GALNT13: variants seen among roughly 807,000 people sequenced by gnomAD.
The protein encoded by GALNT13 is polypeptide N-acetylgalactosaminyltransferase 13.
GALNT13 carries 28 observed loss-of-function variants against 64.2 expected under a neutral mutation model. The ratio of observed to expected loss-of-function variants is 0.44; its 90% CI spans 0.32 to 0.60. GALNT13 has a LOEUF of 0.60. GALNT13 is among the 20% of genes least tolerant of loss of function. The probability of loss-of-function intolerance (pLI) is 0.05; values close to 1 mark genes in which losing one functional copy is unlikely to be tolerated. For missense variants in GALNT13, 577 were observed against 669.8 expected (o/e 0.86, Z 1.53); for synonymous variants, 214 against 224.6 (o/e 0.95, Z 0.42).
chr2:153,306,387 A>G, the GALNT13 span, among the ~76,000 whole-genome samples: 1 of 152,198 alleles, frequency 6.6e-6, no homozygotes. Context: ...AAGCTTATAT[A>G]TAGCCAGCCA....
the GALNT13 span, among the ~76,000 whole-genome samples, chr2:153,315,662 A>G: frequency 2.0e-5 from 3 of 152,234 alleles, no homozygotes; most frequent in Non-Finnish European, 2.9e-5. Context: ...AAGTCTAGAG[A>G]ACATGAACAA....
intron 7 of GALNT13, among the ~76,000 whole-genome samples, chr2:154,252,728 TAGATA>T (rs1690144426): frequency 8.1e-5 from 1 of 12,370 alleles, no homozygotes; most frequent in African/African-American, 2.4e-4. Flanking sequence ...TGGAAAAAGA[TAGATA>T]GATAGATAGA....
At chr2:154,240,530 T>G (rs1013278530) in intron 4 of GALNT13, among the ~76,000 whole-genome samples, 10 of 152,144 alleles carry the variant, frequency 6.6e-5, no homozygotes, top group Non-Finnish European at 1.2e-4. Flanking sequence ...CTTCTCCCTC[T>G]CACACGGCGT....
At chr2:153,130,864 G>C in the GALNT13 span, among the ~76,000 whole-genome samples, 1 of 152,124 alleles carries the variant, frequency 6.6e-6, no homozygotes, top group Non-Finnish European at 1.5e-5. Flanking sequence ...CCTTCACCCT[G>C]GTGAGCTGAG....
the GALNT13 span, among the ~76,000 whole-genome samples, chr2:153,070,965 A>C: frequency 2.0e-5 from 3 of 152,218 alleles, no homozygotes; most frequent in Admixed American, 6.6e-5. Flanking sequence ...AGACTGACAC[A>C]AGAATAAAAA....
intron 3 of GALNT13, among the ~76,000 whole-genome samples, chr2:154,072,016 C>A (rs1700763074): frequency 6.6e-6 from 1 of 151,958 alleles, no homozygotes; most frequent in East Asian, 1.9e-4. Flanking sequence ...AATGAATCAA[C>A]AATACGAATA....
the GALNT13 span, among the ~76,000 whole-genome samples, chr2:153,790,381 A>G: frequency 6.6e-6 from 1 of 151,422 alleles, no homozygotes; most frequent in Non-Finnish European, 1.5e-5. Context: ...AAAAGCCTTT[A>G]TTATGTTAAA....
intron 3 of GALNT13, among the ~76,000 whole-genome samples, chr2:154,096,824 G>A (rs1253253558): frequency 6.6e-6 from 1 of 151,934 alleles, no homozygotes; most frequent in East Asian, 1.9e-4. Flanking sequence ...TTAATAAAAT[G>A]TGACTTTTAT....
intron 3 of GALNT13, among the ~76,000 whole-genome samples, chr2:153,971,143 T>C (rs1269588882): frequency 6.6e-6 from 1 of 152,162 alleles, no homozygotes; most frequent in Non-Finnish European, 1.5e-5. Flanking sequence ...TATGTAATGT[T>C]CTTTCTCCAG....
chr2:154,294,123 T>A (rs779142143), intron 8 of GALNT13, among the ~76,000 whole-genome samples: 92 of 152,234 alleles, frequency 6.0e-4, no homozygotes, highest in Admixed American at 1.1e-3. Flanking sequence ...AGCACTCACA[T>A]TATTTCAAGA....
the GALNT13 span, among the ~76,000 whole-genome samples, chr2:153,226,348 T>C: frequency 6.6e-6 from 1 of 152,182 alleles, no homozygotes; most frequent in Non-Finnish European, 1.5e-5. Context: ...CACACAGTTC[T>C]TTAAATGTAG....
the GALNT13 span, among the ~76,000 whole-genome samples, chr2:153,401,340 T>C: frequency 1.2e-4 from 19 of 152,112 alleles, no homozygotes; most frequent in African/African-American, 4.3e-4. Context: ...AGAGCTTTAC[T>C]TCCAAGTAAG....
At chr2:153,518,674 ATAAC>A in the GALNT13 span, among the ~76,000 whole-genome samples, 6 of 152,182 alleles carry the variant, frequency 3.9e-5, no homozygotes, top group Non-Finnish European at 8.8e-5. Context: ...TTTGAGTTCA[ATAAC>A]TAAAACTAGA....
the GALNT13 span, chr2:153,762,575 C>CT: frequency 5.5e-6 from 1 of 183,304 alleles, no homozygotes; most frequent in Non-Finnish European, 1.2e-5. Context: ...TCCTATAAGC[C>CT]TTTTTCAGTT....
At chr2:153,076,582 A>AT in the GALNT13 span, among the ~76,000 whole-genome samples, 2 of 152,134 alleles carry the variant, frequency 1.3e-5, no homozygotes, top group South Asian at 4.1e-4. Context: ...AATTTTTAAG[A>AT]TTTTAAATCT....
the GALNT13 span, among the ~76,000 whole-genome samples, chr2:153,083,192 CATA>C: frequency 6.6e-6 from 1 of 152,140 alleles, no homozygotes. Context: ...GTCTCTTTCA[CATA>C]ATAACTTCTT....
intron 4 of GALNT13, among the ~76,000 whole-genome samples, chr2:154,213,447 G>A (rs982166370): frequency 1.3e-5 from 2 of 152,146 alleles, no homozygotes; most frequent in Admixed American, 1.3e-4. Flanking sequence ...GTTGCAGACA[G>A]ACTAATGGAA....
chr2:153,178,525 C>T, the GALNT13 span, among the ~76,000 whole-genome samples: 2 of 152,072 alleles, frequency 1.3e-5, no homozygotes, highest in Non-Finnish European at 2.9e-5. Flanking sequence ...ACTATCTGTT[C>T]AGGTCCATTG....
At chr2:153,111,804 C>A in the GALNT13 span, among the ~76,000 whole-genome samples, 1 of 152,058 alleles carries the variant, frequency 6.6e-6, no homozygotes, top group Non-Finnish European at 1.5e-5. Flanking sequence ...GTCTTCCCTC[C>A]TAAATATAAG....
Sources: gnomAD v4.1 joint callset for allele counts (sites outside exome capture counted in the v4.1 genomes callset) on GRCh38, gnomAD v4.1.1 for gene constraint, MANE v1.5 for transcripts, NCBI Gene and HGNC (gene_info 2026-07-23, HGNC 2026-07-21) for gene names.